TRAF3IP1: variants seen among roughly 807,000 people sequenced by gnomAD.
TRAF3IP1 encodes the protein intraflagellar transport 54.
In TRAF3IP1, 53 loss-of-function variants were observed where a neutral mutation model predicts 89.9. The observed-to-expected ratio is 0.59, with a 90% confidence interval of 0.47 to 0.74. The LOEUF (loss-of-function observed/expected upper bound fraction) is 0.74. TRAF3IP1 is among the 30% of genes least tolerant of loss of function. TRAF3IP1 has a pLI of 0.00. For synonymous variants in TRAF3IP1, 311 were observed against 322.1 expected (o/e 0.97, Z 0.37); for missense variants, 806 against 866.1 (o/e 0.93, Z 0.87).
chr2:238,321,807 C>T (rs1053215393), intron 1 of TRAF3IP1, among the ~76,000 whole-genome samples: 11 of 152,340 alleles, frequency 7.2e-5, no homozygotes, highest in Non-Finnish European at 1.5e-4. Flanking sequence ...GACTTGCAGA[C>T]TTCCAGGGCC....
chr2:238,334,510 G>A (rs1015123444), intron 7 of TRAF3IP1, among the ~76,000 whole-genome samples: 8 of 152,218 alleles, frequency 5.3e-5, no homozygotes, highest in African/African-American at 1.9e-4. Flanking sequence ...CTGAAGGATA[G>A]TACCTTATCA....
intron 15 of TRAF3IP1, among the ~76,000 whole-genome samples, chr2:238,363,220 G>T (rs576155161): frequency 6.6e-6 from 1 of 151,976 alleles, no homozygotes; most frequent in African/African-American, 2.4e-5. Context: ...ATTTCTTTGG[G>T]CATTGACTTT....
chr2:238,324,532 C>T (rs1458436126), intron 1 of TRAF3IP1, among the ~76,000 whole-genome samples: 2 of 152,178 alleles, frequency 1.3e-5, no homozygotes, highest in East Asian at 3.8e-4. Context: ...GCCTCAGGCT[C>T]CTGCTGTCCT....
At position 238,351,850 on chromosome 2, in the gene TRAF3IP1, TGTGTGTGTGTGTGTGTGC is replaced by T. The variant is rs59759368; in HGVS notation, c.1452-975_1452-958del. Among the ~76,000 whole-genome samples, 18,399 of 148,510 alleles carry T rather than the reference TGTGTGTGTGTGTGTGTGC, an allele frequency of 0.12. 1,969 individuals are homozygous for T. The highest frequency in any genetic ancestry group is 0.3 in the African/African-American group (11,790 of 39,908). The stretch of plus-strand genomic sequence containing the variant: ...GAGGATTTTGGTGTGTGTGTGTGTG[TGTGTGTGTGTGTGTGTGC>T]GCGCGCGCGCGTGTGCGTGCATGTG... On this transcript the variant is annotated intron_variant, in intron 12 of 16. Transcript: ENST00000373327. The surrounding 1 kb of genome is among the most constrained non-coding windows in gnomAD (Gnocchi z 5.2).
At position 238,348,776 on chromosome 2, in the gene TRAF3IP1, G is replaced by A. The variant is rs1269034827; in HGVS notation, c.1295G>A (p.Gly432Glu). Reference protein sequence around the residue: ...DSTSDAEGDAGPAGQDKSEVP... With the variant: ...DSTSDAEGDAEPAGQDKSEVP... ...GTCATTTGTTTAGAAGGAGATGCTG[G>A]ACCTGCTGGCCAAGATAAGTCTGAG... The change falls in exon 11 of 17, where the codon GGA becomes GAA. Residue 432 changes from glycine (G) to glutamate (E), a missense_variant. Coordinates refer to ENST00000373327, the MANE Select transcript of TRAF3IP1 (RefSeq NM_015650.4). The A allele has an allele frequency of 6.2e-7, 1 of 1,614,070 alleles. No homozygotes were observed. The highest frequency in any genetic ancestry group is 2.2e-5 in the East Asian group (1 of 44,874).
chr2:238,328,892 A>T (rs1697973396), intron 4 of TRAF3IP1, 34 bp from the exon 5 acceptor site: 1 of 1,584,810 alleles, frequency 6.3e-7, no homozygotes, highest in African/African-American at 1.4e-5. Flanking sequence ...TTTAGGTAAA[A>T]ATATTCATAA....
At chr2:238,373,445 A>G (rs1348128577) in intron 15 of TRAF3IP1, among the ~76,000 whole-genome samples, 9 of 151,910 alleles carry the variant, frequency 5.9e-5, no homozygotes, top group Admixed American at 1.3e-4. Flanking sequence ...ATGGTTGTAG[A>G]TGTGTGGTGT....
intron 15 of TRAF3IP1, among the ~76,000 whole-genome samples, chr2:238,367,644 C>T (rs1039125529): frequency 2.0e-5 from 3 of 152,058 alleles, no homozygotes; most frequent in African/African-American, 7.2e-5. Context: ...GACCGAGAGC[C>T]TGCGCCACCG....
intron 15 of TRAF3IP1, among the ~76,000 whole-genome samples, chr2:238,357,235 G>A (rs980517845): frequency 1.3e-5 from 2 of 152,188 alleles, no homozygotes; most frequent in Admixed American, 1.3e-4. Flanking sequence ...GCGGGCACCT[G>A]TGGGCCAACA....
intron 15 of TRAF3IP1, among the ~76,000 whole-genome samples, chr2:238,372,825 T>G (rs1559384867): frequency 6.6e-6 from 1 of 152,258 alleles, no homozygotes; most frequent in Non-Finnish European, 1.5e-5. Context: ...ACTGCCATTC[T>G]AACTGGCGTG....
chr2:238,346,483 G>A (rs1446838700), intron 9 of TRAF3IP1, among the ~76,000 whole-genome samples: 4 of 152,250 alleles, frequency 2.6e-5, no homozygotes, highest in South Asian at 4.1e-4. Context: ...TGATCCACAA[G>A]CTTGGCCCCC....
At chr2:238,384,640 C>G (rs1175088054) in intron 15 of TRAF3IP1, among the ~76,000 whole-genome samples, 1 of 151,302 alleles carries the variant, frequency 6.6e-6, no homozygotes, top group Non-Finnish European at 1.5e-5. Flanking sequence ...GCCTCAGCCT[C>G]CCAAAGTGCT....
intron 12 of TRAF3IP1, 42 bp downstream of exon 12, chr2:238,349,450 T>C (rs1699047910): frequency 5.0e-6 from 8 of 1,589,754 alleles, no homozygotes; most frequent in Non-Finnish European, 6.9e-6. Context: ...ACACAGTGTG[T>C]TCTCCAGTGG....
intron 8 of TRAF3IP1, among the ~76,000 whole-genome samples, chr2:238,342,237 T>G (rs2106382910): frequency 6.6e-6 from 1 of 152,210 alleles, no homozygotes; most frequent in South Asian, 2.1e-4. Flanking sequence ...GATCCACCTG[T>G]CTGGGCCTCT....
chr2:238,377,472 C>T (rs1247720657), intron 15 of TRAF3IP1, among the ~76,000 whole-genome samples: 1 of 151,620 alleles, frequency 6.6e-6, no homozygotes, highest in African/African-American at 2.4e-5. Context: ...TTTTCTGGGT[C>T]GATTGAGATG....
At chr2:238,326,028 G>T in intron 3 of TRAF3IP1, 58 bp downstream of exon 3, 2 of 1,552,716 alleles carry the variant, frequency 1.3e-6, no homozygotes, top group African/African-American at 1.4e-5. Context: ...AAAGTAGTCG[G>T]GGGTGAGGGA....
intron 15 of TRAF3IP1, among the ~76,000 whole-genome samples, chr2:238,370,048 C>T (rs935198282): frequency 2.0e-5 from 3 of 152,152 alleles, no homozygotes; most frequent in Non-Finnish European, 4.4e-5. Flanking sequence ...TCAGCCATTT[C>T]CCCAGGAGAC....
At chr2:238,367,520 G>C (rs1202614908) in intron 15 of TRAF3IP1, among the ~76,000 whole-genome samples, 2 of 152,214 alleles carry the variant, frequency 1.3e-5, no homozygotes, top group East Asian at 3.9e-4. Flanking sequence ...TTTGGTGCAC[G>C]CTCAGCATGG....
At chr2:238,333,771 G>A (rs1698241314) in intron 6 of TRAF3IP1, among the ~76,000 whole-genome samples, 189 bp from the exon 7 acceptor site, 2 of 152,254 alleles carry the variant, frequency 1.3e-5, no homozygotes, top group South Asian at 4.1e-4. Context: ...TGTGAAAAGG[G>A]TTTTGGCCTC....
Sources: gnomAD v4.1 joint callset for allele counts (sites outside exome capture counted in the v4.1 genomes callset) on GRCh38, gnomAD v4.1.1 for gene constraint, Gnocchi (gnomAD v3.1) non-coding constraint, MANE v1.5 for transcripts, NCBI Gene and HGNC (gene_info 2026-07-23, HGNC 2026-07-21) for gene names.